Variants in TSPAN9 observed in about 807,000 individuals in gnomAD.
TSPAN9 encodes tetraspanin 9.
TSPAN9 carries 16 observed loss-of-function variants against 31.0 expected under a neutral mutation model. The observed-to-expected ratio is 0.52, with a 90% CI of 0.35 to 0.78. TSPAN9 has a LOEUF of 0.78. Ranked by LOEUF, TSPAN9 falls within the 30% of genes least tolerant of loss-of-function variation. The pLI is 0.01. For synonymous variants in TSPAN9, 145 were observed against 121.6 expected, an observed-to-expected ratio of 1.19 and a Z score of -1.27; for missense variants, 272 against 312.5, an observed-to-expected ratio of 0.87 and a Z score of 0.98.
In TSPAN9 at chr12:3,170,861, C is replaced by T. The variant is rs111700776; in HGVS notation, c.-17-30316C>T. On this transcript the variant is annotated intron_variant, in intron 2 of 8. Transcript: ENST00000011898. This position sits in a 1 kb window ranked among gnomAD's most constrained non-coding sequence, Gnocchi z 4.4. ...CTCCTGGGTTGGCGCTCTCTAAAGCCGCTTCTGTTTCTAAAGTTCTTTGAC... is the reference window on the plus strand; with the variant it reads ...CTCCTGGGTTGGCGCTCTCTAAAGCTGCTTCTGTTTCTAAAGTTCTTTGAC... 3.0e-3 allele frequency among the ~76,000 whole-genome samples: 463 copies of T among 152,244 alleles called. 2 individuals are homozygous for T. The highest frequency in any genetic ancestry group is 0.011 in the African/African-American group (444 of 41,544).
intron 2 of TSPAN9, among the ~76,000 whole-genome samples, chr12:3,127,749 T>C (rs1379305385): frequency 6.6e-6 from 1 of 152,222 alleles, no homozygotes; most frequent in Non-Finnish European, 1.5e-5. Context: ...TTGTTTATTA[T>C]TCTTAAGTAT....
chr12:3,128,611 A>G (rs1392565017), intron 2 of TSPAN9, among the ~76,000 whole-genome samples: 4 of 152,144 alleles, frequency 2.6e-5, no homozygotes, highest in Non-Finnish European at 5.9e-5. Flanking sequence ...ATAGCCCCCC[A>G]AGAAATACCT....
At position 3,278,886 on chromosome 12, in the gene TSPAN9, A is replaced by C. The variant is rs1433066894; in HGVS notation, c.256-106A>C. 3.3e-6 allele frequency: 4 copies of C among 1,230,420 alleles called. No individual in the cohort carries two copies. In the African/African-American group the frequency reaches 6.0e-5, roughly 18 times the overall value. 76.2% of individuals were successfully genotyped at this position (1,230,420 alleles called of 1,614,324 possible). On this transcript the variant is annotated intron_variant, in intron 4 of 8. Transcript: ENST00000011898. Reference sequence around the variant, plus strand: ...CTCAGGAGGAGCTGGCTTCTCCCAGACCTGGGAAGCCCCACCTAGGCGCCG... The same window carrying C: ...CTCAGGAGGAGCTGGCTTCTCCCAGCCCTGGGAAGCCCCACCTAGGCGCCG...
At chr12:3,096,141 G>A (rs1839411044) in intron 2 of TSPAN9, among the ~76,000 whole-genome samples, 2 of 152,236 alleles carry the variant, frequency 1.3e-5, no homozygotes, top group Non-Finnish European at 2.9e-5. Flanking sequence ...TGCCGCTTGT[G>A]TAGTTTTAAA....
chr12:3,239,395 C>T (rs766471388), intron 3 of TSPAN9, among the ~76,000 whole-genome samples: 15 of 152,220 alleles, frequency 9.9e-5, no homozygotes, highest in Non-Finnish European at 1.9e-4. Flanking sequence ...CACACCTACA[C>T]AGAGGGCAGC....
chr12:3,207,819 C>T (rs1269609626), intron 3 of TSPAN9, among the ~76,000 whole-genome samples: 1 of 152,080 alleles, frequency 6.6e-6, no homozygotes, highest in Non-Finnish European at 1.5e-5. Context: ...GGGACAGGGC[C>T]CTGCTTTCAG....
In TSPAN9 at chr12:3,172,826, C is replaced by T. The variant is rs377178459; in HGVS notation, c.-17-28351C>T. 2.6e-5 allele frequency: 4 copies of T among 152,244 alleles called. No homozygotes were observed. Among genetic ancestry groups the T allele is most frequent in the African/African-American group, 7.2e-5 (3 of 41,454 alleles). The allele number at this position is 152,244 out of a possible 1,614,324, so 9.4% of individuals were successfully genotyped here. ...TTGAGCCTGCAGGGAATACCAAGCA[C>T]GTAGGCATGGAAAGGTAACTAACCG... is the stretch of plus-strand genomic sequence containing the variant. On this transcript the variant is annotated intron_variant, in intron 2 of 8. Coordinates refer to ENST00000011898, the MANE Select transcript of TSPAN9 (RefSeq NM_006675.5). This position sits in a 1 kb window ranked among gnomAD's most constrained non-coding sequence, Gnocchi z 4.8.
At position 3,226,525 on chromosome 12, in the gene TSPAN9, C is replaced by T. The variant is rs116310307; in HGVS notation, c.63+25269C>T. 6.3e-3 allele frequency among the ~76,000 whole-genome samples: 952 copies of T among 150,876 alleles called. 13 individuals are homozygous for T. The highest frequency in any genetic ancestry group is 0.022 in the African/African-American group (911 of 41,072). On this transcript the variant is annotated intron_variant, in intron 3 of 8. Coordinates refer to ENST00000011898, the MANE Select transcript of TSPAN9 (RefSeq NM_006675.5). ...CTTAGGGATGGAGGGTCCTAAGCCT[C>T]TGTAGGTGTGCTTGGATTTGAGGGT...
intron 3 of TSPAN9, among the ~76,000 whole-genome samples, chr12:3,258,949 C>G (rs1445518668): frequency 6.6e-6 from 1 of 152,140 alleles, no homozygotes; most frequent in Non-Finnish European, 1.5e-5. Flanking sequence ...AGTGATGGTG[C>G]CTCTAGGCAG....
intron 2 of TSPAN9, among the ~76,000 whole-genome samples, chr12:3,191,443 G>A (rs1350106712): frequency 6.6e-6 from 1 of 152,032 alleles, no homozygotes; most frequent in Non-Finnish European, 1.5e-5. Flanking sequence ...ATTTCATAGG[G>A]TGCGGATTTC....
At chr12:3,273,017 T>A (rs908471959) in intron 3 of TSPAN9, 8 of 152,272 alleles carry the variant, frequency 5.3e-5, no homozygotes, top group African/African-American at 1.9e-4. Flanking sequence ...GCTGCGCGTA[T>A]TGTGGATGGG....
chr12:3,096,106 C>T (rs916651609), intron 2 of TSPAN9, among the ~76,000 whole-genome samples: 1 of 152,098 alleles, frequency 6.6e-6, no homozygotes, highest in South Asian at 2.1e-4. Flanking sequence ...GAACTCCATC[C>T]TCCCGGCGGT....
chr12:3,250,515 A>T (rs1356898111), intron 3 of TSPAN9, among the ~76,000 whole-genome samples: 1 of 152,206 alleles, frequency 6.6e-6, no homozygotes, highest in East Asian at 1.9e-4. Flanking sequence ...GAGTCTCCCC[A>T]GAAGAGTGGG....
At chr12:3,180,192 C>T (rs1383071793) in intron 2 of TSPAN9, among the ~76,000 whole-genome samples, 1 of 152,156 alleles carries the variant, frequency 6.6e-6, no homozygotes, top group African/African-American at 2.4e-5. Flanking sequence ...GTGTGAGATA[C>T]CTTCTGGTGT....
intron 2 of TSPAN9, among the ~76,000 whole-genome samples, chr12:3,151,709 C>A (rs925432371): frequency 2.6e-5 from 4 of 152,140 alleles, no homozygotes; most frequent in Non-Finnish European, 4.4e-5. Flanking sequence ...CAGCCTCCAA[C>A]GTGAAATGTC....
At chr12:3,165,400 G>A (rs895447050) in intron 2 of TSPAN9, among the ~76,000 whole-genome samples, 5 of 152,216 alleles carry the variant, frequency 3.3e-5, no homozygotes, top group African/African-American at 1.2e-4. Flanking sequence ...TAAACTTTAT[G>A]AAGTGTCAAT....
At position 3,285,969 on chromosome 12, in the gene TSPAN9, C is replaced by T. The variant is rs1344161177; in HGVS notation, c.*2853C>T. The T allele has an allele frequency of 1.3e-5, 2 of 152,506 alleles. No homozygotes were observed. Among genetic ancestry groups the T allele is most frequent in the East Asian group, 1.9e-4 (1 of 5,200 alleles). The allele number at this position is 152,506 out of a possible 1,614,324, so 9.4% of individuals were successfully genotyped here. A position where few individuals can be genotyped will look rare whatever the true frequency, so the allele number is the denominator to read the frequency against. ...TGAGCCGTGTCACCCCCCTCTCCCT[C>T]CAGCATGGGCCTGTGTCTCAGGCTC... On this transcript the variant is annotated 3_prime_UTR_variant, in exon 9 of 9. Transcript: ENST00000011898.
intron 3 of TSPAN9, among the ~76,000 whole-genome samples, chr12:3,274,381 A>G (rs896514038): frequency 8.2e-5 from 12 of 147,212 alleles, no homozygotes; most frequent in African/African-American, 3.0e-4. Flanking sequence ...AAAGAATCTT[A>G]AGGTCACACT....
chr12:3,093,337 C>T (rs377376152), intron 2 of TSPAN9, among the ~76,000 whole-genome samples: 3 of 152,268 alleles, frequency 2.0e-5, no homozygotes, highest in South Asian at 2.1e-4. Context: ...TGTGAGCCCC[C>T]CATCCTGATT....
Sources: allele counts gnomAD v4.1 joint callset (sites outside exome capture counted in the v4.1 genomes callset), GRCh38; gene constraint gnomAD v4.1.1; non-coding constraint Gnocchi (gnomAD v3.1); transcripts MANE v1.5; gene names NCBI Gene and HGNC (gene_info 2026-07-23, HGNC 2026-07-21).